PTPN20: variants seen among roughly 807,000 people sequenced by gnomAD.
PTPN20 encodes the protein protein tyrosine phosphatase non-receptor type 20.
In PTPN20, 9 loss-of-function variants were observed where a neutral mutation model predicts 35.0. The observed-to-expected ratio is 0.26, with a 90% CI of 0.15 to 0.45. The LOEUF is 0.45. Ranked by LOEUF, PTPN20 falls within the 20% of genes least tolerant of loss-of-function variation. The probability of loss-of-function intolerance (pLI) is 1.00; values close to 1 mark genes in which losing one functional copy is unlikely to be tolerated. For synonymous variants in PTPN20, 32 were observed against 100.2 expected (o/e 0.32, Z 4.06); for missense variants, 111 against 312.5 (o/e 0.36, Z 4.86).
chr10:46,997,363 A>G (rs2059302188), intron 9 of PTPN20, among the ~76,000 whole-genome samples: 1 of 149,864 alleles, frequency 6.7e-6, no homozygotes, highest in South Asian at 2.1e-4. Flanking sequence ...GAGGTTTTGT[A>G]GGTTTTTTTT....
intron 9 of PTPN20, among the ~76,000 whole-genome samples, chr10:46,998,585 C>T (rs2059550777): frequency 1.3e-5 from 2 of 152,088 alleles, no homozygotes; most frequent in Non-Finnish European, 2.9e-5. Context: ...TGAATCTTCA[C>T]ATATGATATA....
At chr10:46,992,954 A>T (rs1589957006) in intron 9 of PTPN20, among the ~76,000 whole-genome samples, 1 of 152,146 alleles carries the variant, frequency 6.6e-6, no homozygotes, top group Non-Finnish European at 1.5e-5. Context: ...GAGTATAGTC[A>T]GTTGGCTTTA....
chr10:46,933,409 C>T (rs1395914098), intron 2 of PTPN20, among the ~76,000 whole-genome samples: 5 of 151,804 alleles, frequency 3.3e-5, no homozygotes, highest in East Asian at 3.9e-4. Flanking sequence ...ATCTTCAGAA[C>T]GTATTCATCT....
At chr10:46,951,454 A>G (rs1236197009) in intron 5 of PTPN20, among the ~76,000 whole-genome samples, 3 of 152,218 alleles carry the variant, frequency 2.0e-5, no homozygotes, top group Non-Finnish European at 4.4e-5. Flanking sequence ...GTAACCCTCA[A>G]TTCTATACCT....
chr10:47,000,700 A>G lies in PTPN20; in HGVS notation c.1222A>G (p.Ile408Val). The G allele has an allele frequency of 6.2e-7, 1 of 1,613,482 alleles. No homozygotes were observed. Among genetic ancestry groups the G allele is most frequent in the Non-Finnish European group, 8.5e-7 (1 of 1,179,546 alleles). ...GGAGCAGTATCACTTTTGTTACGAT[A>G]TTGTGCTTGAAGTTCTTCGGAAACT... ...TKEQYHFCYD[I>V]VLEVLRKLLT... Residue 408 changes from isoleucine (I) to valine (V), a missense_variant, in exon 11 of 11, where the codon ATT becomes GTT. By Grantham distance (29) the Ile-to-Val change is conservative. This residue lies in a region of PTPN20 where 61 missense variants were observed against 54.3 expected (regional missense o/e 1.12). Transcript: ENST00000374339.
intron 10 of PTPN20, among the ~76,000 whole-genome samples, 197 bp from the exon 11 acceptor site, chr10:47,000,479 G>A (rs2059915311): frequency 6.6e-6 from 1 of 152,070 alleles, no homozygotes; most frequent in Non-Finnish European, 1.5e-5. Flanking sequence ...TCTAGGCCAA[G>A]AGCTATATTT....
chr10:46,991,996 C>T lies in PTPN20; in HGVS notation c.1134+4441C>T, dbSNP rs1020103558. ...TCTAGTGAGATTGGGAAAAGTTTTG[C>T]GCACTATATTTTCAAATATGTTTTC... is the stretch of plus-strand genomic sequence containing the variant. On this transcript the variant is annotated intron_variant, in intron 9 of 10. Transcript: ENST00000374339. Among the ~76,000 whole-genome samples, 15 of 152,204 alleles carry T rather than the reference C, an allele frequency of 9.9e-5. No individual in the cohort carries two copies. The South Asian group carries it at 1.5e-3, about 15-fold the overall frequency.
chr10:46,939,111 G>A (rs1210250039), intron 2 of PTPN20, among the ~76,000 whole-genome samples: 6,298 of 144,730 alleles, frequency 0.044, 77 homozygotes, highest in Middle Eastern at 0.079. Flanking sequence ...TTTCAGAACC[G>A]TTTGCATGAG....
chr10:46,968,674 C>T (rs1408014755), intron 7 of PTPN20, among the ~76,000 whole-genome samples: 2,703 of 151,408 alleles, frequency 0.018, 16 homozygotes, highest in African/African-American at 0.063. Flanking sequence ...CCATAACTCA[C>T]ATTCCTTTCA....
chr10:46,966,095 T>C (rs1307538270), intron 6 of PTPN20, among the ~76,000 whole-genome samples: 1 of 148,912 alleles, frequency 6.7e-6, no homozygotes, highest in Non-Finnish European at 1.5e-5. Flanking sequence ...TTTTTGTATT[T>C]TTAGTAGAGA....
intron 1 of PTPN20, among the ~76,000 whole-genome samples, chr10:46,926,682 T>A (rs2037522854): frequency 6.6e-6 from 1 of 151,264 alleles, no homozygotes; most frequent in African/African-American, 2.5e-5. Flanking sequence ...CAGCAGGTAG[T>A]CACATTCATG....
rs2138328476 is a variant in PTPN20 at position 47,001,147 on chromosome 10, G to A, written c.*406G>A. On this transcript the variant is annotated 3_prime_UTR_variant, in exon 11 of 11. Transcript: ENST00000374339. Reference sequence around the variant, plus strand: ...AGTTCTTATTCTGGGAGAACATAAGGCCAATAATCATGACCTCTTCCAGGC... The same window carrying A: ...AGTTCTTATTCTGGGAGAACATAAGACCAATAATCATGACCTCTTCCAGGC... The A allele has an allele frequency of 4.1e-6, 1 of 244,916 alleles. No homozygotes were observed. The highest frequency in any genetic ancestry group is 1.1e-4 in the East Asian group (1 of 9,430). The allele number at this position is 244,916 out of a possible 1,614,324, so 15.2% of individuals were successfully genotyped here.
At chr10:47,003,505 A>C (rs2060136797), downstream of PTPN20, among the ~76,000 whole-genome samples, 1 of 152,130 alleles carries the variant, frequency 6.6e-6, no homozygotes. Flanking sequence ...CTTATTATGA[A>C]GTTAAGATAC....
At chr10:46,995,173 A>G (rs1348548818) in intron 9 of PTPN20, among the ~76,000 whole-genome samples, 1 of 151,932 alleles carries the variant, frequency 6.6e-6, no homozygotes, top group Non-Finnish European at 1.5e-5. Context: ...TGTTGACTGC[A>G]GTTTCTTCTG....
chr10:46,998,390 T>G (rs1037205642), intron 9 of PTPN20, among the ~76,000 whole-genome samples: 1 of 152,164 alleles, frequency 6.6e-6, no homozygotes, highest in South Asian at 2.1e-4. Context: ...TTAGCTATTG[T>G]GCAATTTTAT....
chr10:46,923,727 C>T (rs2036193165), intron 1 of PTPN20, among the ~76,000 whole-genome samples: 1 of 150,958 alleles, frequency 6.6e-6, no homozygotes, highest in Non-Finnish European at 1.5e-5. Flanking sequence ...ACCCATGAAA[C>T]AATTTGCTGG....
intron 5 of PTPN20, among the ~76,000 whole-genome samples, chr10:46,947,253 G>C (rs1156763610): frequency 7.0e-6 from 1 of 142,984 alleles, no homozygotes. Flanking sequence ...ATTTGTGTTT[G>C]TAAACTTGGG....
Position 47,000,806 on chromosome 10 carries a change from T to C in PTPN20, c.*65T>C. 6.3e-7 allele frequency: 1 copy of C among 1,575,570 alleles called. No homozygotes were observed. Among genetic ancestry groups the C allele is most frequent in the Non-Finnish European group, 8.7e-7 (1 of 1,145,090 alleles). ...GGTTTGCACCTCCTCATAAAGAACA[T>C]GTTTGCACTGTGCTGAAGGGCTTTG... On this transcript the variant is annotated 3_prime_UTR_variant, in exon 11 of 11. Transcript: ENST00000374339.
chr10:46,938,067 C>T (rs2042323439), intron 2 of PTPN20, among the ~76,000 whole-genome samples: 1 of 151,836 alleles, frequency 6.6e-6, no homozygotes, highest in Non-Finnish European at 1.5e-5. Flanking sequence ...TCTCCTGCCT[C>T]AGCCTCCTGA....
Sources: allele counts gnomAD v4.1 joint callset (sites outside exome capture counted in the v4.1 genomes callset), GRCh38; gene constraint gnomAD v4.1.1; regional missense constraint gnomAD v4.1.1; transcripts MANE v1.5; gene names NCBI Gene and HGNC (gene_info 2026-07-23, HGNC 2026-07-21).